The following SPTBN4 variants were observed in gnomAD, a reference collection of about 807,000 sequenced individuals.
The protein encoded by SPTBN4 is spectrin beta chain, non-erythrocytic 4.
SPTBN4 carries 96 observed loss-of-function variants against 277.8 expected under a neutral mutation model. The ratio of observed to expected loss-of-function variants is 0.35; its 90% confidence interval spans 0.29 to 0.41. The LOEUF (loss-of-function observed/expected upper bound fraction) is 0.41, where lower values mean the gene tolerates loss of function less well. Among genes scored for constraint, SPTBN4 ranks in the 10% least tolerant of loss-of-function variants. SPTBN4 has a pLI of 1.00. For missense variants in SPTBN4, 3,006 were observed against 3,595.7 expected, an observed-to-expected ratio of 0.84 and a Z score of 4.19; for synonymous variants, 1,481 against 1,580.3, an observed-to-expected ratio of 0.94 and a Z score of 1.49.
chr19:40,469,820 T>A (rs2079864972), intron 1 of SPTBN4, among the ~76,000 whole-genome samples: 1 of 151,126 alleles, frequency 6.6e-6, no homozygotes, highest in Non-Finnish European at 1.5e-5. Context: ...GTTTTTATAT[T>A]TTTAGTAGAG....
At chr19:40,552,854 G>A (rs1320387460) in intron 22 of SPTBN4, among the ~76,000 whole-genome samples, 2 of 152,210 alleles carry the variant, frequency 1.3e-5, no homozygotes, top group East Asian at 1.9e-4. Flanking sequence ...GAGCTCAGCT[G>A]TGTGTGCAGT....
Position 40,575,482 on chromosome 19 carries a change from C to A in SPTBN4, c.7608C>A (p.Gly2536=). 2 of 1,613,466 alleles carry A rather than the reference C, an allele frequency of 1.2e-6. No individual in the cohort carries two copies. Among genetic ancestry groups the A allele is most frequent in the Non-Finnish European group, 1.7e-6 (2 of 1,179,904 alleles). Residue 2536 remains glycine, a synonymous_variant, in exon 36 of 36, where the codon GGC becomes GGA. Transcript: ENST00000598249. The part of the protein sequence containing the change: ...VAEHAEIARW[G]QTLPTTSSTD... ...AACACGCAGAGATCGCCCGCTGGGGCCAGACACTACCCACTACTTCATCCA... is the reference window on the plus strand; with the variant it reads ...AACACGCAGAGATCGCCCGCTGGGGACAGACACTACCCACTACTTCATCCA...
rs139635375 is a variant in SPTBN4, at chr19:40,557,232, T to C, written c.5499T>C (p.Ser1833=). 3.4e-5 allele frequency: 55 copies of C among 1,612,304 alleles called. No individual in the cohort carries two copies. Among genetic ancestry groups the C allele is most frequent in the Admixed American group, 5.0e-5 (3 of 59,906 alleles). ...CACGGGCCCAGCTGCTGGCCGCCTC[T>C]CGGGAGCTTCATAAGTTCTTCAGTG... The part of the protein sequence containing the change: ...MGTRAQLLAA[S]RELHKFFSDA... Residue 1833 remains serine (S), a synonymous_variant, in exon 26 of 36, where the codon TCT becomes TCC. Transcript: ENST00000598249.
chr19:40,515,976 T>C lies in SPTBN4; in HGVS notation c.2903+528T>C, dbSNP rs560952094. On this transcript the variant is annotated intron_variant, in intron 15 of 35. Coordinates refer to ENST00000598249, the MANE Select transcript of SPTBN4 (RefSeq NM_020971.3). This position sits in a 1 kb window ranked among gnomAD's most constrained non-coding sequence, Gnocchi z 4.1. ...ACACATATATACGTATATATACACA[T>C]ATATACGTATATATACACATATATA... Among the ~76,000 whole-genome samples, 187 of 148,434 alleles carry C rather than the reference T, an allele frequency of 1.3e-3. 3 individuals carry two copies. Among genetic ancestry groups the C allele is most frequent in the South Asian group, 6.8e-3 (32 of 4,690 alleles).
At chr19:40,535,668 C>G (rs1401317320) in intron 20 of SPTBN4, among the ~76,000 whole-genome samples, 1 of 152,052 alleles carries the variant, frequency 6.6e-6, no homozygotes, top group African/African-American at 2.4e-5. Context: ...TGTGGTGGCT[C>G]ACGCCTGTAA....
In SPTBN4 at chr19:40,549,314, G is replaced by A. The variant is rs983608770; in HGVS notation, c.4485G>A (p.Glu1495=). ...LVGERQNAVG[E]RLVRLLEPLQ... is the part of the protein sequence containing the mutation. ...GTGAGCGGCAGAACGCGGTGGGCGA[G>A]CGCCTGGTGCGCCTGCTCGAGCCGT... The change falls in exon 21 of 36, where the codon GAG becomes GAA. Residue 1495 remains glutamate, a synonymous_variant. Coordinates refer to ENST00000598249, the MANE Select transcript of SPTBN4 (RefSeq NM_020971.3). 4 of 1,539,034 alleles carry A rather than the reference G, an allele frequency of 2.6e-6. No homozygotes were observed. Among genetic ancestry groups the A allele is most frequent in the African/African-American group, 1.4e-5 (1 of 72,852 alleles).
intron 2 of SPTBN4, among the ~76,000 whole-genome samples, chr19:40,482,357 C>T (rs1027224587): frequency 3.3e-5 from 5 of 152,160 alleles, no homozygotes; most frequent in African/African-American, 4.8e-5. Flanking sequence ...GGGCATGAGC[C>T]ACCATGCCTG....
In SPTBN4 at chr19:40,523,611, C is replaced by G. The variant is rs2080554972; in HGVS notation, c.3829C>G (p.Gln1277Glu). Residue 1277 changes from glutamine to glutamate, a missense_variant, in exon 17 of 36, where the codon CAG (glutamine) becomes GAG (glutamate). This residue lies in a region of SPTBN4 where 1,759 missense variants were observed against 2,061.5 expected (regional missense o/e 0.85). Coordinates refer to ENST00000598249, the MANE Select transcript of SPTBN4 (RefSeq NM_020971.3). ...RQGNIYGEQA[Q>E]EAVTRLLEKN... is the part of the protein sequence containing the mutation. ...GGGCAACATCTACGGGGAGCAGGCT[C>G]AGGAGGCTGTGACCCGGCTGCTGGA... 1 of 1,613,162 alleles carries G rather than the reference C, an allele frequency of 6.2e-7. No homozygotes were observed. Among genetic ancestry groups the G allele is most frequent in the Admixed American group, 1.7e-5 (1 of 59,976 alleles).
chr19:40,533,821 C>G (rs1475086753), intron 19 of SPTBN4, among the ~76,000 whole-genome samples: 5 of 152,116 alleles, frequency 3.3e-5, no homozygotes, highest in Non-Finnish European at 7.4e-5. Context: ...CTGTCTCTCC[C>G]TGTATCTTTC....
At chr19:40,489,439 G>T (rs577367882) in intron 3 of SPTBN4, among the ~76,000 whole-genome samples, 1 of 152,084 alleles carries the variant, frequency 6.6e-6, no homozygotes, top group African/African-American at 2.4e-5. Flanking sequence ...AGGCTGGAGT[G>T]CAGTGGCGCG....
chr19:40,523,921 A>C (rs1475810611), intron 17 of SPTBN4, among the ~76,000 whole-genome samples: 1 of 151,972 alleles, frequency 6.6e-6, no homozygotes, highest in African/African-American at 2.4e-5. Flanking sequence ...CTCCTGCCTC[A>C]GCCTCCCGAG....
chr19:40,567,019 G>A, intron 30 of SPTBN4: 1 of 341,240 alleles, frequency 2.9e-6, no homozygotes, highest in Non-Finnish European at 6.1e-6. Flanking sequence ...TGGGTGGGGT[G>A]GCTCACACCT....
intron 3 of SPTBN4, among the ~76,000 whole-genome samples, chr19:40,488,741 T>C (rs2080101918): frequency 6.6e-6 from 1 of 152,078 alleles, no homozygotes; most frequent in Admixed American, 6.5e-5. Flanking sequence ...GCCTGGGAGG[T>C]CGAGGCTGCA....
chr19:40,494,882 C>T lies in SPTBN4; in HGVS notation c.588-15C>T, dbSNP rs1473754278. ...CTCCCCATCTCTGCCTCTGTTTCTC[C>T]CTTCACCCTTCCAGTTACCCTGAGG... On this transcript the variant is annotated splice_polypyrimidine_tract_variant and intron_variant, in intron 5 of 35. Coordinates refer to ENST00000598249, the MANE Select transcript of SPTBN4 (RefSeq NM_020971.3). 3 of 1,613,646 alleles carry T rather than the reference C, an allele frequency of 1.9e-6. No homozygotes were observed. The African/African-American group carries it at 4.0e-5, about 22-fold the overall frequency.
chr19:40,479,037 A>G (rs1183586898), intron 2 of SPTBN4, among the ~76,000 whole-genome samples: 3 of 152,164 alleles, frequency 2.0e-5, no homozygotes, highest in South Asian at 4.1e-4. Context: ...AAGTGCAAAT[A>G]TGACGTAGAC....
At chr19:40,510,484 T>G (rs974263724) in intron 13 of SPTBN4, among the ~76,000 whole-genome samples, 1 of 152,098 alleles carries the variant, frequency 6.6e-6, no homozygotes, top group Non-Finnish European at 1.5e-5. Flanking sequence ...TTTGTATTTT[T>G]GGTAGAGATG....
intron 5 of SPTBN4, among the ~76,000 whole-genome samples, chr19:40,493,758 A>G (rs1213259374): frequency 6.6e-6 from 1 of 152,136 alleles, no homozygotes; most frequent in East Asian, 1.9e-4. Context: ...AAATAAACAA[A>G]CAAATAAATA....
intron 7 of SPTBN4, among the ~76,000 whole-genome samples, chr19:40,499,091 C>T (rs1032419430): frequency 1.3e-5 from 2 of 151,176 alleles, no homozygotes; most frequent in African/African-American, 2.4e-5. Context: ...GCAGTGGGGG[C>T]GATCCTAGCT....
At chr19:40,514,965 C>T (rs1419289683) in intron 14 of SPTBN4, among the ~76,000 whole-genome samples, 2 of 152,104 alleles carry the variant, frequency 1.3e-5, no homozygotes, top group East Asian at 1.9e-4. Context: ...GTTAGCTGGG[C>T]GTGGTGGCGC....
Sources: gnomAD v4.1 joint callset for allele counts (sites outside exome capture counted in the v4.1 genomes callset) on GRCh38, gnomAD v4.1.1 for gene constraint, gnomAD v4.1.1 regional missense constraint, Gnocchi (gnomAD v3.1) non-coding constraint, MANE v1.5 for transcripts, NCBI Gene and HGNC (gene_info 2026-07-23, HGNC 2026-07-21) for gene names.